ACTR2: variants seen among roughly 807,000 people sequenced by gnomAD.
ACTR2 encodes the protein actin-related protein 2.
In ACTR2, 5 loss-of-function variants were observed where a neutral mutation model predicts 50.2. The ratio of observed to expected loss-of-function variants is 0.10; its 90% CI spans 0.05 to 0.21. The LOEUF is 0.21. Among genes scored for constraint, ACTR2 ranks in the 10% least tolerant of loss-of-function variants. ACTR2 has a pLI of 1.00. For synonymous variants in ACTR2, 140 were observed against 162.9 expected, an observed-to-expected ratio of 0.86 and a Z score of 1.07; for missense variants, 180 against 480.6, an observed-to-expected ratio of 0.37 and a Z score of 5.85.
In ACTR2 at chr2:65,268,842, T is replaced by A. The variant is rs1672433859; in HGVS notation, c.*108T>A. ...CATGGAAGAGGCCTCTCTCTGCCCT[T>A]TGACTGGAAAGGTCAAGTTTTATTC... On this transcript the variant is annotated 3_prime_UTR_variant, in exon 9 of 9. Coordinates refer to ENST00000260641, the MANE Select transcript of ACTR2 (RefSeq NM_005722.4). 8.1e-7 allele frequency: 1 copy of A among 1,230,960 alleles called. No homozygotes were observed. The highest frequency in any genetic ancestry group is 1.5e-5 in the African/African-American group (1 of 65,454). The allele number at this position is 1,230,960 out of a possible 1,614,324, so 76.3% of individuals were successfully genotyped here.
At chr2:65,256,146 G>T (rs773880133) in intron 6 of ACTR2, among the ~76,000 whole-genome samples, 1 of 152,156 alleles carries the variant, frequency 6.6e-6, no homozygotes, top group East Asian at 1.9e-4. Flanking sequence ...TATAGTATGC[G>T]TGTTTTTCAG....
intron 4 of ACTR2, 91 bp downstream of exon 4, chr2:65,251,190 T>A: frequency 1.2e-6 from 1 of 813,928 alleles, no homozygotes; most frequent in Non-Finnish European, 1.9e-6. Context: ...CAATAAGTTA[T>A]AAGCCCCAGA....
At chr2:65,268,348 G>A (rs1455573622) in intron 8 of ACTR2, among the ~76,000 whole-genome samples, 1 of 152,184 alleles carries the variant, frequency 6.6e-6, no homozygotes, top group Admixed American at 6.5e-5. Flanking sequence ...AATCAGGACT[G>A]TTCCAAGCAT....
intron 7 of ACTR2, among the ~76,000 whole-genome samples, chr2:65,263,854 G>A (rs911016646): frequency 2.0e-5 from 3 of 152,120 alleles, no homozygotes; most frequent in African/African-American, 7.2e-5. Flanking sequence ...AGGAGTTCAA[G>A]ACCAGTCTGG....
At chr2:65,243,751 T>A (rs765948499) in intron 2 of ACTR2, among the ~76,000 whole-genome samples, 2 of 152,234 alleles carry the variant, frequency 1.3e-5, no homozygotes, top group Non-Finnish European at 2.9e-5. Context: ...TCAAAATGAT[T>A]CTTGGCAAAT....
chr2:65,242,245 C>A (rs915468401), intron 2 of ACTR2, among the ~76,000 whole-genome samples: 1 of 152,146 alleles, frequency 6.6e-6, no homozygotes, highest in Non-Finnish European at 1.5e-5. Context: ...AAGTCCTATA[C>A]TTTCCTGATT....
At chr2:65,262,879 T>C (rs1208988521) in intron 7 of ACTR2, among the ~76,000 whole-genome samples, 1 of 151,898 alleles carries the variant, frequency 6.6e-6, no homozygotes, top group African/African-American at 2.4e-5. Context: ...AGTGGGAGGA[T>C]TGCTTGAGCT....
At chr2:65,262,958 C>T (rs1173715050) in intron 7 of ACTR2, among the ~76,000 whole-genome samples, 4 of 150,328 alleles carry the variant, frequency 2.7e-5, no homozygotes, top group East Asian at 4.0e-4. Context: ...AGAGTGAGAC[C>T]CTGTCTCTCC....
intron 6 of ACTR2, 146 bp from the exon 7 acceptor site, chr2:65,261,101 T>A (rs1558628698): frequency 1.3e-6 from 1 of 758,956 alleles, no homozygotes; most frequent in African/African-American, 1.9e-5. Flanking sequence ...ATTTACCTTT[T>A]TTTCCCCAAA....
At chr2:65,251,657 G>A (rs1279900222) in intron 4 of ACTR2, among the ~76,000 whole-genome samples, 1 of 152,106 alleles carries the variant, frequency 6.6e-6, no homozygotes, top group Non-Finnish European at 1.5e-5. Flanking sequence ...CACCGTGCCT[G>A]GCATAGCTAT....
intron 7 of ACTR2, among the ~76,000 whole-genome samples, chr2:65,263,853 A>G (rs1466370152): frequency 2.6e-5 from 4 of 152,168 alleles, no homozygotes; most frequent in African/African-American, 9.7e-5. Flanking sequence ...CAGGAGTTCA[A>G]GACCAGTCTG....
chr2:65,242,577 G>A, intron 2 of ACTR2: 3 of 457,820 alleles, frequency 6.6e-6, no homozygotes, highest in South Asian at 4.9e-5. Context: ...GATAGAAAAA[G>A]AGAATTCTTT....
intron 8 of ACTR2, among the ~76,000 whole-genome samples, chr2:65,266,760 G>A (rs1672379048): frequency 6.6e-6 from 1 of 152,132 alleles, no homozygotes; most frequent in South Asian, 2.1e-4. Flanking sequence ...TTGGAGAATG[G>A]AAGCGAGAAT....
At chr2:65,238,850 C>G (rs2103988434) in intron 1 of ACTR2, among the ~76,000 whole-genome samples, 1 of 151,992 alleles carries the variant, frequency 6.6e-6, no homozygotes, top group East Asian at 1.9e-4. Context: ...TGCCTGTAAT[C>G]CCAGCTACTT....
Position 65,269,757 on chromosome 2 carries a change from C to T in ACTR2, c.*1023C>T, listed in dbSNP as rs1288015319. 6.6e-6 allele frequency: 1 copy of T among 152,140 alleles called. No individual in the cohort carries two copies. The highest frequency in any genetic ancestry group is 1.5e-5 in the Non-Finnish European group (1 of 68,028). 9.4% of individuals were successfully genotyped at this position (152,140 alleles called of 1,614,324 possible). On this transcript the variant is annotated 3_prime_UTR_variant, in exon 9 of 9. Coordinates refer to ENST00000260641, the MANE Select transcript of ACTR2 (RefSeq NM_005722.4). ...ACAAGCAGGTACTTACAAATAATTA[C>T]TGGCAGTAGGTTATAATTGGTGGTT...
intron 6 of ACTR2, 49 bp downstream of exon 6, chr2:65,255,743 A>G: frequency 6.6e-7 from 1 of 1,514,184 alleles, no homozygotes; most frequent in Non-Finnish European, 9.0e-7. Flanking sequence ...GTGGACAGCC[A>G]TGATTATTGG....
At chr2:65,246,408 C>A in intron 2 of ACTR2, 116 bp from the exon 3 acceptor site, 1 of 728,956 alleles carries the variant, frequency 1.4e-6, no homozygotes, top group Non-Finnish European at 2.2e-6. Flanking sequence ...GATTTTCTAA[C>A]TTGTGGAATA....
At position 65,227,867 on chromosome 2, in the gene ACTR2, G is replaced by C. The variant is rs928047185; in HGVS notation, c.-43G>C. 5 of 1,497,758 alleles carry C rather than the reference G, an allele frequency of 3.3e-6. No individual in the cohort carries two copies. Among genetic ancestry groups the C allele is most frequent in the Non-Finnish European group, 4.5e-6 (5 of 1,122,782 alleles). The allele number at this position is 1,497,758 out of a possible 1,614,324, so 92.8% of individuals were successfully genotyped here. A position where few individuals can be genotyped will look rare whatever the true frequency, so the allele number is the denominator to read the frequency against. ...AAGAGAAAACGGCCGGGCGGCGGTG[G>C]CTGTAGGTTGTGCGGCTGCAGCGGC... On this transcript the variant is annotated 5_prime_UTR_variant, in exon 1 of 9. Transcript: ENST00000260641.
At chr2:65,241,394 T>C (rs1363178827) in intron 2 of ACTR2, among the ~76,000 whole-genome samples, 1 of 152,200 alleles carries the variant, frequency 6.6e-6, no homozygotes, top group Non-Finnish European at 1.5e-5. Flanking sequence ...ATGCCCACTT[T>C]CTTCGTGTTT....
Sources: allele counts gnomAD v4.1 joint callset (sites outside exome capture counted in the v4.1 genomes callset), GRCh38; gene constraint gnomAD v4.1.1; transcripts MANE v1.5; gene names NCBI Gene and HGNC (gene_info 2026-07-23, HGNC 2026-07-21).